Variants in TOP2A observed in about 807,000 individuals in gnomAD.
TOP2A encodes DNA topoisomerase II alpha.
In TOP2A, 68 loss-of-function variants were observed where a neutral mutation model predicts 187.2. That is an observed-to-expected ratio of 0.36 (90% confidence interval 0.30 to 0.44). The LOEUF is 0.44. TOP2A is among the 20% of genes least tolerant of loss of function. TOP2A has a pLI of 1.00. For missense variants in TOP2A, 1,196 were observed against 1,808.7 expected, an observed-to-expected ratio of 0.66 and a Z score of 6.14; for synonymous variants, 542 against 593.2, an observed-to-expected ratio of 0.91 and a Z score of 1.25.
intron 29 of TOP2A, among the ~76,000 whole-genome samples, 168 bp downstream of exon 29, chr17:40,395,281 C>CA (rs755789593): frequency 0.082 from 4,420 of 53,688 alleles, 142 homozygotes; most frequent in South Asian, 0.13. Context: ...GAAACTGTCT[C>CA]AAAAAAAAAA....
Position 40,389,393 on chromosome 17 carries a change from G to T in TOP2A, c.*126C>A. The T allele has an allele frequency of 9.4e-7, 1 of 1,066,482 alleles. No individual in the cohort carries two copies. Among genetic ancestry groups the T allele is most frequent in the African/African-American group, 1.6e-5 (1 of 62,130 alleles). The allele number at this position is 1,066,482 out of a possible 1,614,324, so 66.1% of individuals were successfully genotyped here. A position where few individuals can be genotyped will look rare whatever the true frequency, so the allele number is the denominator to read the frequency against. ...GAACACTTGGGCTTTACTTCACTTT[G>T]ATGTCTTGTACTAAAAACACCTTCC... On this transcript the variant is annotated 3_prime_UTR_variant, in exon 35 of 35. Coordinates refer to ENST00000423485, the MANE Select transcript of TOP2A (RefSeq NM_001067.4).
At chr17:40,414,470 G>C (rs1332440251) in intron 4 of TOP2A, among the ~76,000 whole-genome samples, 1 of 152,070 alleles carries the variant, frequency 6.6e-6, no homozygotes, top group Non-Finnish European at 1.5e-5. Flanking sequence ...CCAAAGTGCT[G>C]GGATTACAGG....
At chr17:40,403,836 C>G (rs1010805089) in intron 19 of TOP2A, among the ~76,000 whole-genome samples, 6 of 152,216 alleles carry the variant, frequency 3.9e-5, no homozygotes, top group Non-Finnish European at 1.5e-5. Flanking sequence ...AGTTACAGCA[C>G]TGATTCCATG....
chr17:40,407,481 A>G, intron 13 of TOP2A, 68 bp downstream of exon 13: 1 of 1,315,068 alleles, frequency 7.6e-7, no homozygotes, highest in Non-Finnish European at 1.0e-6. Flanking sequence ...ATGGCAAAAA[A>G]CAATGAAATT....
rs1371983870 is a variant in TOP2A, at chr17:40,407,546, G to A, written c.1626+3C>T. The A allele has an allele frequency of 6.4e-7, 1 of 1,560,650 alleles. No homozygotes were observed. The highest frequency in any genetic ancestry group is 2.3e-5 in the Admixed American group (1 of 43,024). On this transcript the variant is annotated splice_donor_region_variant and intron_variant, in intron 13 of 34. Coordinates refer to ENST00000423485, the MANE Select transcript of TOP2A (RefSeq NM_001067.4). Reference sequence around the variant, plus strand: ...AATCTAAAAATTTAATAACAAATCTGACCTGATCTGTCATAATCATTATCT... The same window carrying A: ...AATCTAAAAATTTAATAACAAATCTAACCTGATCTGTCATAATCATTATCT...
chr17:40,403,808 T>G (rs1001994470), intron 19 of TOP2A, among the ~76,000 whole-genome samples: 8 of 152,224 alleles, frequency 5.3e-5, no homozygotes, highest in African/African-American at 1.9e-4. Context: ...TCAGTGTCAG[T>G]GCACACAGTT....
chr17:40,391,838 T>A, intron 32 of TOP2A, 198 bp from the exon 33 acceptor site: 1 of 790,562 alleles, frequency 1.3e-6, no homozygotes, highest in Non-Finnish European at 1.9e-6. Context: ...TTTGTATCTC[T>A]AGCACCTAGC....
At chr17:40,405,294 C>A (rs1188432829) in intron 16 of TOP2A, among the ~76,000 whole-genome samples, 1 of 151,874 alleles carries the variant, frequency 6.6e-6, no homozygotes, top group African/African-American at 2.4e-5. Context: ...GGATTACAGG[C>A]ACGTGCCACC....
chr17:40,417,650 A>T (rs1300622387), intron 1 of TOP2A, 121 bp downstream of exon 1: 9 of 1,551,594 alleles, frequency 5.8e-6, no homozygotes, highest in Non-Finnish European at 7.0e-6. Flanking sequence ...AATGGAGAAT[A>T]TGGGCTCCCA....
chr17:40,407,482 CA>C (rs1386930324), intron 13 of TOP2A, 66 bp downstream of exon 13: 4 of 1,324,168 alleles, frequency 3.0e-6, no homozygotes, highest in Non-Finnish European at 4.1e-6. Context: ...TGGCAAAAAA[CA>C]ATGAAATTAA....
intron 4 of TOP2A, among the ~76,000 whole-genome samples, chr17:40,414,985 C>A (rs114621747): frequency 0.037 from 5,650 of 150,982 alleles, 169 homozygotes; most frequent in African/African-American, 0.077. Flanking sequence ...GTTAATAACT[C>A]GATATACATT....
At chr17:40,409,590 C>T in intron 10 of TOP2A, 1 of 358,598 alleles carries the variant, frequency 2.8e-6, no homozygotes, top group Non-Finnish European at 5.4e-6. Context: ...AAAACCCCAT[C>T]TCTATTAAAA....
chr17:40,392,824 C>G lies in TOP2A; in HGVS notation c.3812-87G>C, dbSNP rs2035042488. ...TCCATCCATCCTTCAAATTTATTAACTCCTGTGATAGTTCTGAGAATACAA... is the reference window on the plus strand; with the variant it reads ...TCCATCCATCCTTCAAATTTATTAAGTCCTGTGATAGTTCTGAGAATACAA... On this transcript the variant is annotated intron_variant, in intron 29 of 34. Coordinates refer to ENST00000423485, the MANE Select transcript of TOP2A (RefSeq NM_001067.4). 5 of 1,061,680 alleles carry G rather than the reference C, an allele frequency of 4.7e-6. No homozygotes were observed. The South Asian group carries it at 8.0e-5, about 17-fold the overall frequency. 65.8% of individuals were successfully genotyped at this position (1,061,680 alleles called of 1,614,324 possible). A position where few individuals can be genotyped will look rare whatever the true frequency, so the allele number is the denominator to read the frequency against.
chr17:40,409,200 A>G (rs1180548572), intron 10 of TOP2A: 1 of 283,972 alleles, frequency 3.5e-6, no homozygotes, highest in Non-Finnish European at 6.9e-6. Context: ...GTCTCAAAAA[A>G]AAAAAAAAAA....
chr17:40,413,916 C>G (rs111975659), intron 4 of TOP2A, among the ~76,000 whole-genome samples: 1 of 151,964 alleles, frequency 6.6e-6, no homozygotes, highest in African/African-American at 2.4e-5. Context: ...GAGAACTGCT[C>G]AAAGTGTTGG....
chr17:40,404,990 CTTT>C (rs1265795492), intron 16 of TOP2A, 107 bp from the exon 17 acceptor site: 2,761 of 534,760 alleles, frequency 5.2e-3, no homozygotes, highest in East Asian at 7.2e-3. Context: ...TACTGTTTTC[CTTT>C]TTTTTTTTTT....
At chr17:40,393,001 G>A (rs1296541747) in intron 29 of TOP2A, among the ~76,000 whole-genome samples, 1 of 152,102 alleles carries the variant, frequency 6.6e-6, no homozygotes, top group Non-Finnish European at 1.5e-5. Flanking sequence ...GAGCCCAGGG[G>A]TTTGAGATCA....
chr17:40,395,596 G>C (rs1402559474), intron 28 of TOP2A, 57 bp from the exon 29 acceptor site: 11 of 1,317,846 alleles, frequency 8.3e-6, no homozygotes, highest in African/African-American at 1.5e-5. Flanking sequence ...TATGGGATTA[G>C]AGATTTTATA....
chr17:40,412,884 C>A lies in TOP2A; in HGVS notation c.664G>T (p.Asp222Tyr). The change falls in exon 7 of 35, where the codon GAT becomes TAT. Residue 222 changes from aspartate to tyrosine, a missense_variant. This residue lies in a region of TOP2A where 252 missense variants were observed against 434.8 expected (regional missense o/e 0.58). Coordinates refer to ENST00000423485, the MANE Select transcript of TOP2A (RefSeq NM_001067.4). ...CTTTGCATTTTAAACTTAGACAAAT[C>A]AGGCTGAAAGGTGATACATGTATAA... ...EDYTCITFQP[D>Y]LSKFKMQSLD... is the part of the protein sequence containing the mutation. 1 of 1,613,858 alleles carries A rather than the reference C, an allele frequency of 6.2e-7. No homozygotes were observed. The highest frequency in any genetic ancestry group is 8.5e-7 in the Non-Finnish European group (1 of 1,179,836).
Sources: gnomAD v4.1 joint callset for allele counts (sites outside exome capture counted in the v4.1 genomes callset) on GRCh38, gnomAD v4.1.1 for gene constraint, gnomAD v4.1.1 regional missense constraint, MANE v1.5 for transcripts, NCBI Gene and HGNC (gene_info 2026-07-23, HGNC 2026-07-21) for gene names.